LUZP2: variants seen among roughly 807,000 people sequenced by gnomAD.
LUZP2 encodes the protein leucine zipper protein 2.
LUZP2 carries 52 observed loss-of-function variants against 51.6 expected under a neutral mutation model. The ratio of observed to expected loss-of-function variants is 1.01; its 90% CI spans 0.81 to 1.27. The LOEUF (loss-of-function observed/expected upper bound fraction) is 1.27. LUZP2 is among the 50% of genes most tolerant of loss of function. The pLI is 0.00. For synonymous variants in LUZP2, 154 were observed against 137.3 expected (o/e 1.12, Z -0.85); for missense variants, 436 against 395.4 (o/e 1.10, Z -0.87).
At chr11:24,498,170 T>G (rs1416359773) in intron 1 of LUZP2, among the ~76,000 whole-genome samples, 1 of 152,194 alleles carries the variant, frequency 6.6e-6, no homozygotes, top group Non-Finnish European at 1.5e-5. Flanking sequence ...CTGTCTTTAT[T>G]CTGCATGCCC....
At chr11:24,606,916 A>G (rs543295588) in intron 1 of LUZP2, among the ~76,000 whole-genome samples, 2 of 151,892 alleles carry the variant, frequency 1.3e-5, no homozygotes, top group South Asian at 4.1e-4. Flanking sequence ...GTAGATTTTT[A>G]TATATCTATT....
At chr11:24,717,501 G>A (rs12803102) in intron 1 of LUZP2, among the ~76,000 whole-genome samples, 50,063 of 148,398 alleles carry the variant, frequency 0.34, 9,012 homozygotes, top group Non-Finnish European at 0.4. Context: ...TCCGACCCCC[G>A]AGTTCACGCC....
chr11:24,937,192 G>T (rs925155453), intron 7 of LUZP2, among the ~76,000 whole-genome samples: 1 of 152,066 alleles, frequency 6.6e-6, no homozygotes, highest in Non-Finnish European at 1.5e-5. Flanking sequence ...ACATATAAAA[G>T]TTATTATTTA....
At chr11:24,974,744 C>A (rs186437541) in intron 7 of LUZP2, among the ~76,000 whole-genome samples, 3 of 151,540 alleles carry the variant, frequency 2.0e-5, no homozygotes, top group Non-Finnish European at 2.9e-5. Context: ...GAAAATTATG[C>A]TTGGAATTTT....
intron 1 of LUZP2, among the ~76,000 whole-genome samples, chr11:24,517,560 A>G (rs908546145): frequency 3.5e-4 from 53 of 150,580 alleles, no homozygotes; most frequent in African/African-American, 1.1e-3. Context: ...TATTTAAAAA[A>G]TGTTCTATTT....
At chr11:24,565,969 A>G (rs990553411) in intron 1 of LUZP2, among the ~76,000 whole-genome samples, 2 of 152,106 alleles carry the variant, frequency 1.3e-5, no homozygotes, top group African/African-American at 4.8e-5. Flanking sequence ...TAATAGTAGA[A>G]TTCAACTATC....
At chr11:25,018,297 T>A (rs1857223937) in intron 9 of LUZP2, among the ~76,000 whole-genome samples, 4 of 152,128 alleles carry the variant, frequency 2.6e-5, no homozygotes, top group Admixed American at 2.6e-4. Flanking sequence ...GCCCTCTATT[T>A]CTTTCTCTTG....
chr11:24,660,068 G>A (rs1420060138), intron 1 of LUZP2, among the ~76,000 whole-genome samples: 2 of 152,108 alleles, frequency 1.3e-5, no homozygotes, highest in African/African-American at 4.8e-5. Context: ...GAGAGTGGAA[G>A]CAGCAGAGAC....
intron 1 of LUZP2, among the ~76,000 whole-genome samples, chr11:24,650,958 C>G (rs543461005): frequency 2.3e-3 from 344 of 152,178 alleles, no homozygotes; most frequent in Non-Finnish European, 4.5e-3. Flanking sequence ...AAGTTCCCAG[C>G]ACAGTTTCTA....
rs1480005452 is a variant in LUZP2 at position 24,638,592 on chromosome 11, TAAAAG to T, written c.63-90574_63-90570del. On this transcript the variant is annotated intron_variant, in intron 1 of 11. Transcript: ENST00000336930. ...GGGCTTAGTTGATAATTTATGGCCT[TAAAAG>T]AAGGATTAACTTGGAATTTTTTCTA... Among the ~76,000 whole-genome samples, 15 of 151,676 alleles carry T rather than the reference TAAAAG, an allele frequency of 9.9e-5. 3 individuals carry two copies. Among genetic ancestry groups the T allele is most frequent in the African/African-American group, 3.6e-4 (15 of 41,140 alleles).
intron 4 of LUZP2, among the ~76,000 whole-genome samples, chr11:24,749,882 G>A (rs983168867): frequency 2.0e-5 from 3 of 152,114 alleles, no homozygotes; most frequent in Admixed American, 6.6e-5. Flanking sequence ...TTTGGATTCC[G>A]ACTGAGCCGC....
At chr11:25,001,363 C>A (rs1405423833) in intron 9 of LUZP2, among the ~76,000 whole-genome samples, 1 of 152,158 alleles carries the variant, frequency 6.6e-6, no homozygotes, top group Non-Finnish European at 1.5e-5. Flanking sequence ...CCTATTACGT[C>A]TTTTTTCCTT....
At chr11:24,898,760 A>G (rs529547650) in intron 5 of LUZP2, among the ~76,000 whole-genome samples, 34 of 152,216 alleles carry the variant, frequency 2.2e-4, no homozygotes, top group African/African-American at 4.8e-4. Context: ...GAATACTACA[A>G]ATTTTTATTT....
At chr11:25,059,252 C>T (rs537993311) in intron 10 of LUZP2, among the ~76,000 whole-genome samples, 3 of 152,058 alleles carry the variant, frequency 2.0e-5, no homozygotes, top group Non-Finnish European at 4.4e-5. Context: ...AAAGTCATAG[C>T]AATTGGCAAG....
intron 5 of LUZP2, among the ~76,000 whole-genome samples, chr11:24,816,084 G>C (rs1158180467): frequency 6.6e-6 from 1 of 150,718 alleles, no homozygotes; most frequent in African/African-American, 2.4e-5. Context: ...ATAAGCCTTA[G>C]TTTTCTTTGT....
At chr11:25,047,511 C>A (rs1348485365) in intron 9 of LUZP2, among the ~76,000 whole-genome samples, 1 of 151,522 alleles carries the variant, frequency 6.6e-6, no homozygotes, top group Non-Finnish European at 1.5e-5. Context: ...TATAAAATTG[C>A]CCTTCTTGCT....
chr11:24,751,237 T>A (rs894426548), intron 4 of LUZP2, among the ~76,000 whole-genome samples: 10 of 151,972 alleles, frequency 6.6e-5, no homozygotes, highest in Non-Finnish European at 1.2e-4. Context: ...AAAAGAAGCA[T>A]GCGAAAAACC....
chr11:24,999,618 G>A (rs920848941), intron 9 of LUZP2, among the ~76,000 whole-genome samples: 6 of 122,880 alleles, frequency 4.9e-5, no homozygotes, highest in Non-Finnish European at 5.8e-5. Context: ...TGCCCACCTC[G>A]GCCTCCAAAG....
chr11:24,647,413 T>C (rs1855496746), intron 1 of LUZP2, among the ~76,000 whole-genome samples: 1 of 151,990 alleles, frequency 6.6e-6, no homozygotes, highest in Non-Finnish European at 1.5e-5. Flanking sequence ...AGAAACTTCA[T>C]GCTGAATACA....
Sources: allele counts gnomAD v4.1 joint callset (sites outside exome capture counted in the v4.1 genomes callset), GRCh38; gene constraint gnomAD v4.1.1; transcripts MANE v1.5; gene names NCBI Gene and HGNC (gene_info 2026-07-23, HGNC 2026-07-21).